EFCAB7: variants seen among roughly 807,000 people sequenced by gnomAD.
EFCAB7 encodes EF-hand calcium binding domain 7.
A neutral mutation model predicts 77.1 loss-of-function variants in EFCAB7; 66 were observed. That is an observed-to-expected ratio of 0.86 (90% CI 0.70 to 1.05). EFCAB7 has a LOEUF of 1.05. Among genes scored for constraint, EFCAB7 ranks in the 50% least tolerant of loss-of-function variants. The pLI is 0.00. For synonymous variants in EFCAB7, 225 were observed against 243.3 expected (o/e 0.92, Z 0.70); for missense variants, 638 against 730.5 (o/e 0.87, Z 1.46).
chr1:63,540,398 A>G (rs924543456), intron 6 of EFCAB7, among the ~76,000 whole-genome samples: 4 of 151,412 alleles, frequency 2.6e-5, no homozygotes, highest in African/African-American at 9.7e-5. Context: ...TTGAACTTCA[A>G]CTTCTGCCAC....
At chr1:63,523,874 T>G (rs1252847819) in intron 1 of EFCAB7, among the ~76,000 whole-genome samples, 3 of 151,958 alleles carry the variant, frequency 2.0e-5, no homozygotes, top group Non-Finnish European at 4.4e-5. Flanking sequence ...GGCTTTCTGT[T>G]TTCACTTGGC....
chr1:63,571,053 T>A lies in EFCAB7; in HGVS notation c.1740T>A (p.Asn580Lys), dbSNP rs1309404000. 2.5e-6 allele frequency: 4 copies of A among 1,612,312 alleles called. No homozygotes were observed. In the South Asian group the frequency reaches 4.4e-5, roughly 18 times the overall value. ...AGAAAGTGATTATTCACATCAGCAA[T>A]GAGCTAAGTAAAAACTGCATAAACA... ...SDEKVIIHIS[N>K]ELSKNCINNR... is the part of the protein sequence containing the mutation. Residue 580 changes from asparagine to lysine, a missense_variant, in exon 13 of 14, where the codon AAT becomes AAA. Coordinates refer to ENST00000371088, the MANE Select transcript of EFCAB7 (RefSeq NM_032437.4).
intron 7 of EFCAB7, chr1:63,550,431 C>A (rs1646951202): frequency 2.0e-5 from 3 of 151,948 alleles, no homozygotes; most frequent in Non-Finnish European, 2.9e-5. Context: ...GTCAAAAATA[C>A]CATTTTAGTA....
chr1:63,575,403 T>A (rs749896102), downstream of EFCAB7, among the ~76,000 whole-genome samples: 1 of 152,140 alleles, frequency 6.6e-6, no homozygotes, highest in Non-Finnish European at 1.5e-5. Context: ...ATATTTTGGA[T>A]ATAATCCAAG....
At chr1:63,561,663 T>C (rs543252944) in intron 10 of EFCAB7, 46 bp from the exon 11 acceptor site, 19 of 1,283,678 alleles carry the variant, frequency 1.5e-5, no homozygotes, top group African/African-American at 7.6e-5. Flanking sequence ...ATTAAAGTTA[T>C]GAATTTTTAA....
intron 13 of EFCAB7, among the ~76,000 whole-genome samples, chr1:63,571,505 C>T (rs1224826147): frequency 6.6e-6 from 1 of 151,734 alleles, no homozygotes; most frequent in Non-Finnish European, 1.5e-5. Flanking sequence ...GAAACCCCAT[C>T]TCTACAAAAA....
intron 10 of EFCAB7, among the ~76,000 whole-genome samples, chr1:63,557,684 G>A (rs901053904): frequency 2.0e-5 from 3 of 152,130 alleles, no homozygotes; most frequent in East Asian, 1.9e-4. Context: ...AGTGCTTTTC[G>A]TATTTGAGTT....
intron 2 of EFCAB7, among the ~76,000 whole-genome samples, chr1:63,530,388 A>T (rs942914248): frequency 1.5e-4 from 23 of 152,236 alleles, no homozygotes; most frequent in Non-Finnish European, 5.9e-5. Flanking sequence ...ATCTTTTAAA[A>T]TTATGTTAAT....
chr1:63,573,072 TG>T (rs1033671770), downstream of EFCAB7, among the ~76,000 whole-genome samples: 74 of 152,308 alleles, frequency 4.9e-4, no homozygotes, highest in African/African-American at 1.7e-3. Flanking sequence ...GGGGATATGA[TG>T]GCTTAGCTTG....
intron 11 of EFCAB7, among the ~76,000 whole-genome samples, chr1:63,566,461 G>A (rs1398810114): frequency 6.6e-6 from 1 of 152,164 alleles, no homozygotes; most frequent in Non-Finnish European, 1.5e-5. Flanking sequence ...ACGTTTACCT[G>A]TGTAACAAAT....
At chr1:63,572,870 G>T (rs962800076), downstream of EFCAB7, among the ~76,000 whole-genome samples, 12 of 152,062 alleles carry the variant, frequency 7.9e-5, no homozygotes, top group African/African-American at 2.9e-4. Context: ...ACAGTCAAAG[G>T]GGTTTGTTCT....
At chr1:63,567,742 G>C (rs1323331710) in intron 11 of EFCAB7, among the ~76,000 whole-genome samples, 2 of 152,192 alleles carry the variant, frequency 1.3e-5, no homozygotes, top group Non-Finnish European at 2.9e-5. Context: ...GTTGGATGGA[G>C]AGGCAAAGGC....
In EFCAB7 at chr1:63,533,563, G is replaced by C. The variant is rs139429930; in HGVS notation, c.596G>C (p.Gly199Ala). The change falls in exon 5 of 14, where the codon GGG (glycine) becomes GCG (alanine). Residue 199 changes from glycine to alanine, a missense_variant. Gly to Ala is a moderately conservative substitution (Grantham distance 60). Coordinates refer to ENST00000371088, the MANE Select transcript of EFCAB7 (RefSeq NM_032437.4). Reference protein sequence around the residue: ...MRHQFGNHIEGSPERDPSPVP... With the variant: ...MRHQFGNHIEASPERDPSPVP... ...CACCAGTTTGGAAACCACATCGAAG[G>C]GTCCCCTGAAAGGGACCCATCACCA... The C allele has an allele frequency of 8.7e-5, 141 of 1,612,314 alleles. No homozygotes were observed. In the African/African-American group the frequency reaches 1.5e-3, roughly 17 times the overall value.
chr1:63,574,295 C>T (rs974470049), downstream of EFCAB7, among the ~76,000 whole-genome samples: 9 of 152,158 alleles, frequency 5.9e-5, no homozygotes, highest in African/African-American at 2.2e-4. Context: ...TTCTATGAGG[C>T]AGGCTTAATG....
chr1:63,538,886 A>T (rs1200793456), intron 6 of EFCAB7, among the ~76,000 whole-genome samples: 1 of 152,196 alleles, frequency 6.6e-6, no homozygotes, highest in Admixed American at 6.5e-5. Context: ...ATTGATCTGT[A>T]TATTACACTG....
At chr1:63,569,660 G>A (rs893272819) in intron 12 of EFCAB7, 4 of 152,202 alleles carry the variant, frequency 2.6e-5, no homozygotes, top group African/African-American at 7.2e-5. Flanking sequence ...CTGCTTTGCA[G>A]CAATAGACAG....
At chr1:63,566,159 T>C (rs1007351943) in intron 11 of EFCAB7, among the ~76,000 whole-genome samples, 1 of 152,176 alleles carries the variant, frequency 6.6e-6, no homozygotes, top group Non-Finnish European at 1.5e-5. Context: ...TGGGATACTA[T>C]ACAGCCATAA....
Position 63,555,470 on chromosome 1 carries a change from T to C in EFCAB7, c.1169T>C (p.Val390Ala). 6.2e-7 allele frequency: 1 copy of C among 1,613,836 alleles called. No homozygotes were observed. The highest frequency in any genetic ancestry group is 1.7e-5 in the Admixed American group (1 of 59,998). Residue 390 changes from valine to alanine, a missense_variant, in exon 9 of 14, where the codon GTA (valine) becomes GCA (alanine). Physicochemically the swap from Val to Ala is moderately conservative, Grantham distance 64 (BLOSUM62 0). Coordinates refer to ENST00000371088, the MANE Select transcript of EFCAB7 (RefSeq NM_032437.4). ...IKPVTDEAQL[V>A]YRDETGELFL... ...CCAGTAACAGATGAAGCCCAACTTGTATATAGAGATGAAACAGGGGAATTA... is the reference window on the plus strand; with the variant it reads ...CCAGTAACAGATGAAGCCCAACTTGCATATAGAGATGAAACAGGGGAATTA...
chr1:63,545,009 C>G (rs1557678097), intron 6 of EFCAB7, among the ~76,000 whole-genome samples: 1 of 148,240 alleles, frequency 6.7e-6, no homozygotes, highest in South Asian at 2.1e-4. Flanking sequence ...ACCTCTGCCT[C>G]CCTGGTTCAA....
Sources: allele counts gnomAD v4.1 joint callset (sites outside exome capture counted in the v4.1 genomes callset), GRCh38; gene constraint gnomAD v4.1.1; transcripts MANE v1.5; gene names NCBI Gene and HGNC (gene_info 2026-07-23, HGNC 2026-07-21).